The following SNX29 variants were observed in gnomAD, a reference collection of about 807,000 sequenced individuals.
SNX29 encodes the protein sorting nexin-29.
A neutral mutation model predicts 102.1 loss-of-function variants in SNX29; 78 were observed. The observed-to-expected ratio is 0.76, with a 90% CI of 0.64 to 0.92. The LOEUF (loss-of-function observed/expected upper bound fraction) is 0.92, where lower values mean the gene tolerates loss of function less well. Ranked by LOEUF, SNX29 falls within the 40% of genes least tolerant of loss-of-function variation. The pLI is 0.00. For synonymous variants in SNX29, 580 were observed against 414.5 expected (o/e 1.40, Z -4.85); for missense variants, 1,280 against 1,061.7 (o/e 1.21, Z -2.86).
At chr16:12,538,615 C>T (rs985340535) in intron 20 of SNX29, among the ~76,000 whole-genome samples, 1 of 152,066 alleles carries the variant, frequency 6.6e-6, no homozygotes, top group Admixed American at 6.5e-5. Context: ...TGCAGGAGGG[C>T]CTTGACTAGG....
intron 16 of SNX29, among the ~76,000 whole-genome samples, chr16:12,393,827 C>T (rs538085035): frequency 6.6e-6 from 1 of 152,244 alleles, no homozygotes; most frequent in African/African-American, 2.4e-5. Context: ...TCAGCACATG[C>T]TGGCCTCTCC....
At chr16:12,135,625 A>G (rs546455283) in intron 13 of SNX29, 3 of 1,343,324 alleles carry the variant, frequency 2.2e-6, no homozygotes, top group African/African-American at 2.9e-5. Flanking sequence ...GGGAGAGAGA[A>G]ATCAACAGTT....
chr16:12,369,719 A>G (rs187523308), intron 16 of SNX29, among the ~76,000 whole-genome samples: 1 of 152,272 alleles, frequency 6.6e-6, no homozygotes, highest in East Asian at 1.9e-4. Context: ...ATTAACACAC[A>G]CAGTATTTCC....
intron 20 of SNX29, among the ~76,000 whole-genome samples, chr16:12,554,637 C>G (rs1331390446): frequency 6.6e-6 from 1 of 152,194 alleles, no homozygotes; most frequent in East Asian, 1.9e-4. Context: ...TCAGTTTCCC[C>G]AGGTTTCACC....
intron 20 of SNX29, among the ~76,000 whole-genome samples, chr16:12,532,344 T>C (rs1301112099): frequency 6.6e-6 from 1 of 152,212 alleles, no homozygotes; most frequent in South Asian, 2.1e-4. Context: ...AGCAGGTGCC[T>C]GTGTTGTGTG....
chr16:12,543,778 T>G (rs768386078), intron 20 of SNX29, among the ~76,000 whole-genome samples: 2 of 152,216 alleles, frequency 1.3e-5, no homozygotes, highest in Non-Finnish European at 2.9e-5. Context: ...TTTTCCAAGA[T>G]GTATCTGGTG....
intron 16 of SNX29, among the ~76,000 whole-genome samples, chr16:12,397,611 G>C (rs1052137208): frequency 1.3e-5 from 2 of 152,018 alleles, no homozygotes; most frequent in African/African-American, 2.4e-5. Flanking sequence ...TAAAATTTTA[G>C]CCAATTTAGT....
intron 16 of SNX29, among the ~76,000 whole-genome samples, chr16:12,368,051 A>T (rs1356575435): frequency 6.6e-6 from 1 of 152,254 alleles, no homozygotes; most frequent in Non-Finnish European, 1.5e-5. Context: ...CTGTTCATGC[A>T]GGTGCTTCTT....
chr16:12,572,662 T>C lies in SNX29; in HGVS notation c.*4033T>C. ...TCCTCCACCAAGCTCCTGTGTGAGC[T>C]GCAGCACCCACACGGGGGAAGCCCT... On this transcript the variant is annotated 3_prime_UTR_variant, in exon 21 of 21. Transcript: ENST00000566228. The C allele has an allele frequency of 9.4e-7, 1 of 1,063,980 alleles. No individual in the cohort carries two copies. Among genetic ancestry groups the C allele is most frequent in the Non-Finnish European group, 1.1e-6 (1 of 878,482 alleles). The allele number at this position is 1,063,980 out of a possible 1,614,324, so 65.9% of individuals were successfully genotyped here.
Position 12,254,485 on chromosome 16 carries a change from C to T in SNX29, c.1679-23448C>T, listed in dbSNP as rs373451756. ...GCCATCCCCGTCTCTACTGAAAATA[C>T]GAAAAATGAGTCAGGCGTGGTGGTG... On this transcript the variant is annotated intron_variant, in intron 14 of 20. Transcript: ENST00000566228. Among the ~76,000 whole-genome samples the T allele has an allele frequency of 1.1e-4, 16 of 152,048 alleles. No homozygotes were observed. The East Asian group carries it at 1.5e-3, about 15-fold the overall frequency.
intron 18 of SNX29, among the ~76,000 whole-genome samples, chr16:12,433,667 G>A (rs927833521): frequency 2.0e-5 from 3 of 150,308 alleles, no homozygotes; most frequent in African/African-American, 7.3e-5. Flanking sequence ...TTAGCTGGGC[G>A]TGGTGGGCGT....
At position 12,155,584 on chromosome 16, in the gene SNX29, C is replaced by A. The variant is rs151332739; in HGVS notation, c.1595+25826C>A. On this transcript the variant is annotated intron_variant, in intron 13 of 20. Transcript: ENST00000566228. Reference sequence around the variant, plus strand: ...ACACTGAGCCAACTATAACTGGGGACCAAATGAGAGGCCGCTTTTCTATGC... The same window carrying A: ...ACACTGAGCCAACTATAACTGGGGAACAAATGAGAGGCCGCTTTTCTATGC... Among the ~76,000 whole-genome samples, 71 of 152,226 alleles carry A rather than the reference C, an allele frequency of 4.7e-4. No individual in the cohort carries two copies. The East Asian group carries it at 0.012, about 26-fold the overall frequency.
chr16:12,236,273 A>G (rs79559146), intron 14 of SNX29, among the ~76,000 whole-genome samples: 2,935 of 152,158 alleles, frequency 0.019, 108 homozygotes, highest in African/African-American at 0.067. Context: ...TCTAGTGTCT[A>G]TTTTCAAAGC....
intron 13 of SNX29, among the ~76,000 whole-genome samples, chr16:12,164,311 A>G (rs1451295601): frequency 6.6e-6 from 1 of 152,200 alleles, no homozygotes; most frequent in South Asian, 2.1e-4. Context: ...CAGAATTTCC[A>G]GTTGACCAAG....
At position 12,493,554 on chromosome 16, in the gene SNX29, C is replaced by T. The variant is rs1332797103; in HGVS notation, c.2178+15695C>T. On this transcript the variant is annotated intron_variant, in intron 19 of 20. Coordinates refer to ENST00000566228, the MANE Select transcript of SNX29 (RefSeq NM_032167.5). ...CCTTCTCCTGCCTGATTGCCCTGGCCAGAACTTCCAACACTATGTTGAATA... is the reference window on the plus strand; with the variant it reads ...CCTTCTCCTGCCTGATTGCCCTGGCTAGAACTTCCAACACTATGTTGAATA... Among the ~76,000 whole-genome samples, 4 of 152,180 alleles carry T rather than the reference C, an allele frequency of 2.6e-5. No homozygotes were observed. The East Asian group carries it at 7.7e-4, about 29-fold the overall frequency.
chr16:12,255,005 C>T (rs2078527633), intron 14 of SNX29, among the ~76,000 whole-genome samples: 1 of 152,166 alleles, frequency 6.6e-6, no homozygotes, highest in Admixed American at 6.5e-5. Context: ...ATTGTTTCTT[C>T]CCATCAGCTG....
intron 15 of SNX29, among the ~76,000 whole-genome samples, chr16:12,345,876 AT>A (rs997456009): frequency 6.6e-6 from 1 of 151,676 alleles, no homozygotes; most frequent in Non-Finnish European, 1.5e-5. Flanking sequence ...CCATTGAAGA[AT>A]TTTTTTTTAA....
chr16:12,104,658 A>G (rs2053158943), intron 11 of SNX29, among the ~76,000 whole-genome samples: 1 of 151,968 alleles, frequency 6.6e-6, no homozygotes, highest in South Asian at 2.1e-4. Flanking sequence ...GATCATTCCC[A>G]GGATTAGCTG....
intron 18 of SNX29, among the ~76,000 whole-genome samples, chr16:12,413,781 G>A (rs2084506598): frequency 6.6e-6 from 1 of 152,234 alleles, no homozygotes; most frequent in South Asian, 2.1e-4. Context: ...CTGTGGCTTT[G>A]AGAGCCGCCT....
Sources: allele counts gnomAD v4.1 joint callset (sites outside exome capture counted in the v4.1 genomes callset), GRCh38; gene constraint gnomAD v4.1.1; transcripts MANE v1.5; gene names NCBI Gene and HGNC (gene_info 2026-07-23, HGNC 2026-07-21).